TRHDE: variants seen among roughly 807,000 people sequenced by gnomAD.
The protein encoded by TRHDE is thyrotropin-releasing hormone-degrading ectoenzyme.
In TRHDE, 72 loss-of-function variants were observed where a neutral mutation model predicts 125.7. That is an observed-to-expected ratio of 0.57 (90% confidence interval 0.47 to 0.70). The LOEUF is 0.70. TRHDE is among the 30% of genes least tolerant of loss of function. The probability of loss-of-function intolerance (pLI) is 0.00; values close to 1 mark genes in which losing one functional copy is unlikely to be tolerated. For missense variants in TRHDE, 1,110 were observed against 1,327.1 expected, an observed-to-expected ratio of 0.84 and a Z score of 2.54; for synonymous variants, 509 against 509.1, an observed-to-expected ratio of 1.00 and a Z score of 0.00.
chr12:72,222,781 T>C (rs113140323), intron 2 of TRHDE, among the ~76,000 whole-genome samples: 3 of 152,194 alleles, frequency 2.0e-5, no homozygotes, highest in African/African-American at 7.2e-5. Flanking sequence ...ATCAGTGGGC[T>C]AAGGAGAATA....
chr12:72,180,697 T>C (rs920095303), intron 2 of TRHDE, among the ~76,000 whole-genome samples: 6 of 152,180 alleles, frequency 3.9e-5, no homozygotes, highest in African/African-American at 1.4e-4. Flanking sequence ...TTCTAGCCAA[T>C]GAATGGAGTA....
chr12:72,150,632 A>T (rs899776731), intron 2 of TRHDE, among the ~76,000 whole-genome samples: 1 of 143,910 alleles, frequency 6.9e-6, no homozygotes, highest in African/African-American at 2.6e-5. Flanking sequence ...CCCACCTATG[A>T]ATGAGAACAT....
At chr12:72,147,681 A>T (rs1257408160) in intron 2 of TRHDE, 1 of 152,138 alleles carries the variant, frequency 6.6e-6, no homozygotes, top group Non-Finnish European at 1.5e-5. Context: ...AAGGCTCAAG[A>T]CTTCTCTCAT....
chr12:72,377,194 G>A (rs902178001), intron 2 of TRHDE, among the ~76,000 whole-genome samples: 1 of 151,938 alleles, frequency 6.6e-6, no homozygotes, highest in Non-Finnish European at 1.5e-5. Context: ...TTTAGCCTTT[G>A]GAAAGAAAGA....
intron 12 of TRHDE, 122 bp from the exon 13 acceptor site, chr12:72,618,769 C>A (rs779119195): frequency 3.7e-5 from 28 of 757,596 alleles, no homozygotes; most frequent in Non-Finnish European, 4.9e-5. Flanking sequence ...TAATTTTATT[C>A]TTATAACACT....
At chr12:72,525,598 G>T (rs939366461) in intron 6 of TRHDE, among the ~76,000 whole-genome samples, 28 of 103,062 alleles carry the variant, frequency 2.7e-4, no homozygotes, top group African/African-American at 1.4e-3. Flanking sequence ...TTTTGTGTGT[G>T]GTTTGTGTGT....
At chr12:72,434,089 A>C (rs1245652719) in intron 3 of TRHDE, among the ~76,000 whole-genome samples, 27 of 152,098 alleles carry the variant, frequency 1.8e-4, no homozygotes, top group Admixed American at 1.8e-3. Flanking sequence ...AATTTTCTTA[A>C]ATAAATGTTT....
At chr12:72,616,218 G>A (rs910895337) in intron 12 of TRHDE, among the ~76,000 whole-genome samples, 3 of 151,958 alleles carry the variant, frequency 2.0e-5, no homozygotes, top group South Asian at 2.1e-4. Flanking sequence ...TTCACACAAT[G>A]CCAGAAGTCT....
At chr12:72,312,618 T>G (rs1166131628) in intron 2 of TRHDE, among the ~76,000 whole-genome samples, 1 of 152,200 alleles carries the variant, frequency 6.6e-6, no homozygotes, top group Non-Finnish European at 1.5e-5. Context: ...GTTACTTCAC[T>G]CAGAGAATAT....
At chr12:72,422,250 G>A (rs754333166) in intron 3 of TRHDE, among the ~76,000 whole-genome samples, 23 of 152,100 alleles carry the variant, frequency 1.5e-4, no homozygotes, top group Non-Finnish European at 2.8e-4. Context: ...ACAATGACAA[G>A]AGTTTGAAAA....
rs374540422 is a variant in TRHDE at position 72,659,281 on chromosome 12, T to A, written c.3066+2273T>A. The stretch of plus-strand genomic sequence containing the variant: ...CATGGCTCTAGCAATTTGAACAATA[T>A]TTCTTCATAAGGCAATCTGTTATTT... On this transcript the variant is annotated intron_variant, in intron 18 of 18. Coordinates refer to ENST00000261180, the MANE Select transcript of TRHDE (RefSeq NM_013381.3). Among the ~76,000 whole-genome samples, 10 of 152,200 alleles carry A rather than the reference T, an allele frequency of 6.6e-5. No homozygotes were observed. The East Asian group carries it at 1.9e-3, about 29-fold the overall frequency.
intron 5 of TRHDE, 47 bp from the exon 6 acceptor site, chr12:72,499,451 T>G (rs1472546112): frequency 1.2e-5 from 19 of 1,598,496 alleles, no homozygotes; most frequent in Non-Finnish European, 1.6e-5. Flanking sequence ...TATACATATG[T>G]CTAACTATGA....
chr12:72,224,713 C>T (rs1165388416), intron 2 of TRHDE, among the ~76,000 whole-genome samples: 3 of 152,060 alleles, frequency 2.0e-5, no homozygotes, highest in Admixed American at 6.6e-5. Flanking sequence ...TCAGTAACAA[C>T]AAAATTAACT....
At chr12:72,579,864 G>T (rs77181568) in intron 12 of TRHDE, among the ~76,000 whole-genome samples, 246 of 152,090 alleles carry the variant, frequency 1.6e-3, no homozygotes, top group South Asian at 4.2e-3. Context: ...GATTTGAAAT[G>T]ATATCTTTAT....
intron 3 of TRHDE, among the ~76,000 whole-genome samples, chr12:72,417,156 T>C (rs1277725566): frequency 6.6e-6 from 1 of 152,100 alleles, no homozygotes; most frequent in Non-Finnish European, 1.5e-5. Context: ...TCTTGGTTTC[T>C]TTTTCAGATT....
intron 6 of TRHDE, among the ~76,000 whole-genome samples, chr12:72,515,117 T>C (rs1470176923): frequency 7.7e-6 from 1 of 130,106 alleles, no homozygotes; most frequent in African/African-American, 3.3e-5. Flanking sequence ...TGTGTCTTTA[T>C]AGCAGCATGA....
At chr12:72,245,243 A>ATGTGTGTGTG (rs370752757) in intron 2 of TRHDE, among the ~76,000 whole-genome samples, 5,263 of 147,262 alleles carry the variant, frequency 0.036, 309 homozygotes, top group African/African-American at 0.12. Flanking sequence ...GTTTGTGTGT[A>ATGTGTGTGTG]TGTGTGTGTG....
chr12:72,532,357 T>A (rs1868599431), intron 6 of TRHDE, among the ~76,000 whole-genome samples: 2 of 151,622 alleles, frequency 1.3e-5, no homozygotes, highest in Admixed American at 6.6e-5. Flanking sequence ...TATATTCTTT[T>A]AGATTTCTGT....
intron 1 of TRHDE, among the ~76,000 whole-genome samples, chr12:72,097,440 A>ATT (rs869290442): frequency 0.022 from 476 of 21,612 alleles, 11 homozygotes; most frequent in South Asian, 0.052. Context: ...TTCTCACTGA[A>ATT]TTTTTTTTTT....
Sources: allele counts gnomAD v4.1 joint callset (sites outside exome capture counted in the v4.1 genomes callset), GRCh38; gene constraint gnomAD v4.1.1; transcripts MANE v1.5; gene names NCBI Gene and HGNC (gene_info 2026-07-23, HGNC 2026-07-21).